Variants in FRMPD2 observed in about 807,000 individuals in gnomAD.
FRMPD2 encodes the protein FERM and PDZ domain containing 2, also known as FERM and PDZ domain-containing protein 2.
In FRMPD2, 96 loss-of-function variants were observed where a neutral mutation model predicts 140.1. That is an observed-to-expected ratio of 0.69 (90% CI 0.58 to 0.81). The LOEUF (loss-of-function observed/expected upper bound fraction) is 0.81, where lower values mean the gene tolerates loss of function less well. Ranked by LOEUF, FRMPD2 falls within the 40% of genes least tolerant of loss-of-function variation. The pLI is 0.00. For missense variants in FRMPD2, 1,240 were observed against 1,447.4 expected (o/e 0.86, Z 2.32); for synonymous variants, 449 against 547.6 (o/e 0.82, Z 2.52).
At chr10:48,200,152 A>ATAAG (rs1839049158) in intron 15 of FRMPD2, among the ~76,000 whole-genome samples, 1 of 44,754 alleles carries the variant, frequency 2.2e-5, no homozygotes, top group African/African-American at 1.2e-4. Context: ...GCTAAAAAAT[A>ATAAG]TAAATAAATA....
intron 9 of FRMPD2, among the ~76,000 whole-genome samples, chr10:48,235,889 A>T (rs1839955790): frequency 6.6e-6 from 1 of 152,032 alleles, no homozygotes; most frequent in Non-Finnish European, 1.5e-5. Context: ...GGGACAGCCC[A>T]CACAGCATTT....
chr10:48,225,601 C>T (rs1001379380), intron 10 of FRMPD2, among the ~76,000 whole-genome samples: 2 of 152,192 alleles, frequency 1.3e-5, no homozygotes, highest in Admixed American at 6.5e-5. Context: ...ACCTGTAGTC[C>T]TCTAGAACAT....
intron 26 of FRMPD2, 63 bp downstream of exon 26, chr10:48,170,930 CT>C (rs2132403808): frequency 1.2e-6 from 1 of 841,048 alleles, no homozygotes; most frequent in African/African-American, 1.7e-5. Context: ...CGGCAGCAGG[CT>C]AGTAAGAGGC....
At chr10:48,220,293 A>C (rs775142090) in intron 12 of FRMPD2, among the ~76,000 whole-genome samples, 1 of 152,204 alleles carries the variant, frequency 6.6e-6, no homozygotes, top group South Asian at 2.1e-4. Flanking sequence ...AAATACTTAC[A>C]ATCAATTGAT....
chr10:48,202,293 G>A (rs1271309360), intron 14 of FRMPD2, among the ~76,000 whole-genome samples: 1 of 152,082 alleles, frequency 6.6e-6, no homozygotes, highest in East Asian at 1.9e-4. Flanking sequence ...CAGGGCTTAT[G>A]CTTGAAAGGG....
At chr10:48,248,097 C>A (rs1564439243) in intron 3 of FRMPD2, among the ~76,000 whole-genome samples, 1 of 152,184 alleles carries the variant, frequency 6.6e-6, no homozygotes, top group Non-Finnish European at 1.5e-5. Flanking sequence ...AAAGCAGCTC[C>A]CATTCCAGAA....
At chr10:48,244,898 C>T (rs781271664) in intron 3 of FRMPD2, 49 bp from the exon 4 acceptor site, 10 of 1,357,736 alleles carry the variant, frequency 7.4e-6, no homozygotes, top group South Asian at 1.2e-5. Flanking sequence ...CTCTGTTATT[C>T]CATGGCTCTG....
intron 2 of FRMPD2, among the ~76,000 whole-genome samples, chr10:48,249,513 G>A (rs553095868): frequency 9.2e-5 from 14 of 152,326 alleles, no homozygotes; most frequent in Admixed American, 3.3e-4. Flanking sequence ...CAAGGCAGCT[G>A]GTCTTCTGGG....
Position 48,210,562 on chromosome 10 carries a change from G to C in FRMPD2, c.1611+1392C>G, listed in dbSNP as rs187443870. Among the ~76,000 whole-genome samples the C allele has an allele frequency of 7.0e-4, 106 of 152,296 alleles. 1 individual carries two copies. The South Asian group carries it at 9.3e-3, about 13-fold the overall frequency. On this transcript the variant is annotated intron_variant, in intron 13 of 28. Coordinates refer to ENST00000374201, the MANE Select transcript of FRMPD2 (RefSeq NM_001018071.4). ...GTCCTTGGCCTCTAGATTGGGTTCT[G>C]CAGTTCTGTGGCTCTGTGACCACTC...
chr10:48,242,402 T>G, intron 4 of FRMPD2, 50 bp from the exon 5 acceptor site: 1 of 1,533,972 alleles, frequency 6.5e-7, no homozygotes, highest in Non-Finnish European at 8.9e-7. Flanking sequence ...GAGCTGCCAC[T>G]ACGAGGCCAG....
intron 1 of FRMPD2, among the ~76,000 whole-genome samples, chr10:48,264,866 G>A (rs898404470): frequency 6.6e-6 from 1 of 151,930 alleles, no homozygotes; most frequent in African/African-American, 2.4e-5. Context: ...AAAGTTGTAG[G>A]ACTGATCCAA....
chr10:48,240,273 A>C (rs978297576), intron 6 of FRMPD2, 87 bp downstream of exon 6: 19 of 1,429,228 alleles, frequency 1.3e-5, no homozygotes, highest in Non-Finnish European at 1.7e-5. Context: ...CTGCCATCAC[A>C]ATGTGGATGT....
intron 11 of FRMPD2, 26 bp from the exon 12 acceptor site, chr10:48,222,477 G>C (rs1312155090): frequency 6.2e-7 from 1 of 1,612,212 alleles, no homozygotes; most frequent in Non-Finnish European, 8.5e-7. Context: ...CAATAAAAAG[G>C]GCTGGGTTGC....
intron 1 of FRMPD2, among the ~76,000 whole-genome samples, chr10:48,272,021 C>T (rs898376812): frequency 6.6e-6 from 1 of 152,148 alleles, no homozygotes; most frequent in Non-Finnish European, 1.5e-5. Context: ...GGTTTCAGAC[C>T]AGAAATGACT....
At chr10:48,258,977 A>G (rs1840533223) in intron 1 of FRMPD2, among the ~76,000 whole-genome samples, 1 of 152,264 alleles carries the variant, frequency 6.6e-6, no homozygotes. Context: ...TTTTAGAAAC[A>G]TGTAAAGTCT....
At chr10:48,209,765 C>T (rs1588831243) in intron 13 of FRMPD2, among the ~76,000 whole-genome samples, 1 of 152,188 alleles carries the variant, frequency 6.6e-6, no homozygotes, top group Non-Finnish European at 1.5e-5. Flanking sequence ...TTATGAGATT[C>T]TATCCCTAAG....
intron 1 of FRMPD2, among the ~76,000 whole-genome samples, chr10:48,265,431 C>T (rs1015805121): frequency 6.6e-6 from 1 of 152,078 alleles, no homozygotes; most frequent in African/African-American, 2.4e-5. Context: ...AAACAGACAA[C>T]CTACAGAGTA....
rs536195026 is a variant in FRMPD2, at chr10:48,174,918, G to C, written c.3027C>G (p.Cys1009Trp). ...GCACAGCCTGCTTGTGGGTGAGGCC[G>C]CACAGAATCACTCCATCCACCTGCA... ...RLLQVDGVIL[C>W]GLTHKQAVQC... The change falls in exon 24 of 29, where the codon TGC becomes TGG. Residue 1009 changes from cysteine to tryptophan, a missense_variant. This residue lies in a region of FRMPD2 where 22 missense variants were observed against 35.3 expected (regional missense o/e 0.62). Coordinates refer to ENST00000374201, the MANE Select transcript of FRMPD2 (RefSeq NM_001018071.4). The C allele has an allele frequency of 1.5e-6, 1 of 669,926 alleles. No homozygotes were observed. Among genetic ancestry groups the C allele is most frequent in the African/African-American group, 2.1e-5 (1 of 48,202 alleles). 41.5% of individuals were successfully genotyped at this position (669,926 alleles called of 1,614,324 possible).
At chr10:48,249,567 GAGA>G (rs1161626461) in intron 2 of FRMPD2, among the ~76,000 whole-genome samples, 2 of 152,204 alleles carry the variant, frequency 1.3e-5, no homozygotes, top group East Asian at 1.9e-4. Flanking sequence ...GGGGAAGAGG[GAGA>G]AGATGACGCT....
Sources: allele counts gnomAD v4.1 joint callset (sites outside exome capture counted in the v4.1 genomes callset), GRCh38; gene constraint gnomAD v4.1.1; regional missense constraint gnomAD v4.1.1; transcripts MANE v1.5; gene names NCBI Gene and HGNC (gene_info 2026-07-23, HGNC 2026-07-21).